Variants in SEC16A observed in about 807,000 individuals in gnomAD.
SEC16A encodes the protein protein transport protein Sec16A.
SEC16A carries 110 observed loss-of-function variants against 221.9 expected under a neutral mutation model. The observed-to-expected ratio is 0.50, with a 90% CI of 0.42 to 0.58. The LOEUF (loss-of-function observed/expected upper bound fraction) is 0.58. SEC16A is among the 20% of genes least tolerant of loss of function. The pLI is 0.00. For missense variants in SEC16A, 3,165 were observed against 3,097.8 expected (o/e 1.02, Z -0.52); for synonymous variants, 1,393 against 1,257.7 (o/e 1.11, Z -2.28).
rs767547173 is a variant in SEC16A, at chr9:136,472,030, C to G, written c.3649G>C (p.Glu1217Gln). 4 of 1,612,444 alleles carry G rather than the reference C, an allele frequency of 2.5e-6. No individual in the cohort carries two copies. The highest frequency in any genetic ancestry group is 3.4e-6 in the Non-Finnish European group (4 of 1,179,870). The change falls in exon 4 of 32, where the codon GAG becomes CAG. Residue 1217 changes from glutamate to glutamine, a missense_variant. Transcript: ENST00000684901. ...SAYAQNYRYP[E>Q]PERPSSRASH... The stretch of plus-strand genomic sequence containing the variant: ...GCTCGGGAGCTGGGCCGCTCGGGCT[C>G]GGGATAGCGGTAGTTCTGGGCGTAA...
At chr9:136,479,564 G>A (rs1417815088) in intron 1 of SEC16A, among the ~76,000 whole-genome samples, 1 of 152,100 alleles carries the variant, frequency 6.6e-6, no homozygotes, top group Non-Finnish European at 1.5e-5. Context: ...ATGTTAGCCA[G>A]GATGGTCTTG....
rs768876520 is a variant in SEC16A at position 136,477,518 on chromosome 9, C to A, written c.98G>T (p.Arg33Ile). 5 of 1,613,870 alleles carry A rather than the reference C, an allele frequency of 3.1e-6. No individual in the cohort carries two copies. Among genetic ancestry groups the A allele is most frequent in the Middle Eastern group, 1.6e-4 (1 of 6,062 alleles). The change falls in exon 3 of 32, where the codon AGA (arginine) becomes ATA (isoleucine). Residue 33 changes from arginine (R) to isoleucine (I), a missense_variant. Physicochemically the swap from Arg to Ile is moderately conservative, Grantham distance 97. This residue lies in a region of SEC16A where 2,030 missense variants were observed against 1,923.1 expected (regional missense o/e 1.06). Transcript: ENST00000684901. ...CACTGCTGCATTATTATTAGCCCGT[C>A]TCCTGTAAGGGCTGCTAGCCCAGAA... ...SVFWASSPYRRRANNNAAVAP... is the reference protein window; with the variant it reads ...SVFWASSPYRIRANNNAAVAP...
rs758756339 is a variant in SEC16A, at chr9:136,447,582, GTAC to G, written c.6543_6545del (p.Met2181_Tyr2182delinsIle). ...GGCCACCCTTACCTGCTCTTCTAGAGTACATGTTCACGGGGGCTCCAGGAGGCC... is the reference window on the plus strand; with the variant it reads ...GGCCACCCTTACCTGCTCTTCTAGAGATGTTCACGGGGGCTCCAGGAGGCC... On this transcript the variant is annotated inframe_deletion, in exon 26 of 32. Transcript: ENST00000684901. This position sits in a 1 kb window ranked among gnomAD's most constrained non-coding sequence, Gnocchi z 5.5. 6.2e-7 allele frequency: 1 copy of G among 1,612,842 alleles called. No homozygotes were observed. Among genetic ancestry groups the G allele is most frequent in the Non-Finnish European group, 8.5e-7 (1 of 1,178,836 alleles).
rs1338046982 is a variant in SEC16A at position 136,476,121 on chromosome 9, T to C, written c.1495A>G (p.Arg499Gly). ...YGPLPGPAVPRHGAVCHTGAP... is the reference protein window; with the variant it reads ...YGPLPGPAVPGHGAVCHTGAP... ...CCGGTGTGGCACACAGCACCATGCC[T>C]GGGCACAGCTGGCCCAGGAAGGGGC... The change falls in exon 3 of 32, where the codon AGG becomes GGG. Residue 499 changes from arginine (R) to glycine (G), a missense_variant. Coordinates refer to ENST00000684901, the MANE Select transcript of SEC16A (RefSeq NM_014866.2). 6.2e-7 allele frequency: 1 copy of C among 1,613,692 alleles called. No homozygotes were observed. Among genetic ancestry groups the C allele is most frequent in the Admixed American group, 1.7e-5 (1 of 60,020 alleles).
chr9:136,474,809 T>C lies in SEC16A; in HGVS notation c.2807A>G (p.Asn936Ser). 6.2e-7 allele frequency: 1 copy of C among 1,613,958 alleles called. No homozygotes were observed. Among genetic ancestry groups the C allele is most frequent in the Non-Finnish European group, 8.5e-7 (1 of 1,179,886 alleles). ...ATCCTTTTGACTTTCTGGAACCAAG[T>C]TCTCTGGAACTGGCTGGGATGGTGG... The part of the protein sequence containing the change: ...VQPPSQPVPE[N>S]LVPESQKDRK... The change falls in exon 3 of 32, where the codon AAC becomes AGC. Residue 936 changes from asparagine (N) to serine (S), a missense_variant. Physicochemically the swap from Asn to Ser is conservative, Grantham distance 46 (BLOSUM62 1). This residue lies in a region of SEC16A where 2,030 missense variants were observed against 1,923.1 expected (regional missense o/e 1.06). Transcript: ENST00000684901.
rs1841495499 is a variant in SEC16A, at chr9:136,475,456, GCT to G, written c.2158_2159del (p.Ser720ProfsTer10). On this transcript the variant is annotated frameshift_variant, in exon 3 of 32. Transcript: ENST00000684901. LOFTEE classifies it high-confidence loss of function. This position sits in a 1 kb window ranked among gnomAD's most constrained non-coding sequence, Gnocchi z 5.0. ...ARTQGPVKCE[S>X]PATTLWAQSE... ...TTTGCGCCCACAGAGTCGTTGCTGG[GCT>G]CTCACACTTCACGGGCCCCTGGGTC... 6.2e-7 allele frequency: 1 copy of G among 1,609,358 alleles called. No homozygotes were observed. Among genetic ancestry groups the G allele is most frequent in the Admixed American group, 1.7e-5 (1 of 59,518 alleles).
chr9:136,462,968 A>T lies in SEC16A; in HGVS notation c.4812T>A (p.Thr1604=). Residue 1604 remains threonine (T), a synonymous_variant, in exon 12 of 32, where the codon ACT becomes ACA. Coordinates refer to ENST00000684901, the MANE Select transcript of SEC16A (RefSeq NM_014866.2). ...ESGEAQLSFL[T]GGPAAAASSL... is the part of the protein sequence containing the mutation. ...AGCTGGCGGCAGCCGCCGGACCACCAGTGAGGAAAGAGAGCTGGGCCTCAC... is the reference window on the plus strand; with the variant it reads ...AGCTGGCGGCAGCCGCCGGACCACCTGTGAGGAAAGAGAGCTGGGCCTCAC... 3.7e-6 allele frequency: 6 copies of T among 1,608,750 alleles called. No homozygotes were observed. The highest frequency in any genetic ancestry group is 5.1e-6 in the Non-Finnish European group (6 of 1,179,860).
chr9:136,484,455 G>T, upstream of SEC16A: 1 of 1,205,542 alleles, frequency 8.3e-7, no homozygotes. Flanking sequence ...AGCCATGCCG[G>T]GCCCACTCAC....
chr9:136,463,566 G>A lies in SEC16A; in HGVS notation c.4544C>T (p.Ala1515Val). ...CAAACATTTCATAGCTTTGTTCTGT[G>A]CAAAATTAATGACATCCACCTTATG... ...DTHKVDVINF[A>V]QNKAMKCLQN... is the part of the protein sequence containing the mutation. The change falls in exon 11 of 32, where the codon GCA (alanine) becomes GTA (valine). Residue 1515 changes from alanine to valine, a missense_variant. Ala to Val is a moderately conservative substitution (Grantham distance 64, BLOSUM62 0). Transcript: ENST00000684901. 1 of 1,613,880 alleles carries A rather than the reference G, an allele frequency of 6.2e-7. No homozygotes were observed. Among genetic ancestry groups the A allele is most frequent in the African/African-American group, 1.3e-5 (1 of 75,066 alleles).
rs763211212 is a variant in SEC16A at position 136,463,597 on chromosome 9, C to T, written c.4513G>A (p.Asp1505Asn). ...TTAATGACATCCACCTTATGGGTGT[C>T]GTCTCTGCAGAAAGAACACACAGTG... ...RAFPGPLAKDDTHKVDVINFA... is the reference protein window; with the variant it reads ...RAFPGPLAKDNTHKVDVINFA... Residue 1505 changes from aspartate to asparagine, a missense_variant, in exon 11 of 32, where the codon GAC becomes AAC. Asp to Asn is a conservative substitution (Grantham distance 23). Around this residue, in one of 3 missense-constraint regions of SEC16A, gnomAD observed 47 missense variants for 85.0 expected, o/e 0.55. Transcript: ENST00000684901. 7 of 1,613,816 alleles carry T rather than the reference C, an allele frequency of 4.3e-6. No homozygotes were observed. The highest frequency in any genetic ancestry group is 1.7e-5 in the Admixed American group (1 of 60,032).
chr9:136,483,125 G>A (rs1842629651), upstream of SEC16A: 1 of 597,276 alleles, frequency 1.7e-6, no homozygotes, highest in Non-Finnish European at 2.1e-6. Flanking sequence ...CCGCCCCTCG[G>A]CTCGTCGGCC....
chr9:136,453,069 CAAAAAAAAAA>C (rs372314249), intron 22 of SEC16A, among the ~76,000 whole-genome samples: 2 of 64,842 alleles, frequency 3.1e-5, no homozygotes, highest in Non-Finnish European at 6.2e-5. Context: ...GAATCTGTCT[CAAAAAAAAAA>C]AAAAGAAAAA....
chr9:136,484,213 G>T, upstream of SEC16A: 1 of 336,356 alleles, frequency 3.0e-6, no homozygotes, highest in Non-Finnish European at 4.4e-6. Context: ...AGGGGCGCTG[G>T]GGTCCCAGCC....
In SEC16A at chr9:136,454,259, G is replaced by A. The variant is rs2132094191; in HGVS notation, c.5926C>T (p.Pro1976Ser). The A allele has an allele frequency of 6.3e-7, 1 of 1,581,610 alleles. No individual in the cohort carries two copies. The highest frequency in any genetic ancestry group is 2.3e-5 in the East Asian group (1 of 43,470). ...ARVPMFPVPL[P>S]PGPLEPGPGC... ...GGACCCGGCTCCAGGGGCCCCGGGGGCAGTGGCACTGGGAACATCGGCACT... is the reference window on the plus strand; with the variant it reads ...GGACCCGGCTCCAGGGGCCCCGGGGACAGTGGCACTGGGAACATCGGCACT... The change falls in exon 21 of 32, where the codon CCC (proline) becomes TCC (serine). Residue 1976 changes from proline (P) to serine (S), a missense_variant. This residue lies in a region of SEC16A where 1,088 missense variants were observed against 1,089.6 expected (regional missense o/e 1.00). Coordinates refer to ENST00000684901, the MANE Select transcript of SEC16A (RefSeq NM_014866.2).
intron 31 of SEC16A, among the ~76,000 whole-genome samples, chr9:136,443,496 G>A (rs1836495276): frequency 1.3e-5 from 2 of 152,196 alleles, no homozygotes; most frequent in African/African-American, 4.8e-5. Context: ...ACCAGCCTAG[G>A]CAACAAGGTG....
intron 12 of SEC16A, 137 bp downstream of exon 12, chr9:136,462,750 G>A: frequency 1.1e-6 from 1 of 947,194 alleles, no homozygotes. Flanking sequence ...TCAGGAAACA[G>A]CAAGACCCGA....
In SEC16A at chr9:136,475,709, C is replaced by T; in HGVS notation, c.1907G>A (p.Arg636Lys). Residue 636 changes from arginine to lysine, a missense_variant, in exon 3 of 32, where the codon AGG becomes AAG. This residue lies in a region of SEC16A where 2,030 missense variants were observed against 1,923.1 expected (regional missense o/e 1.06). Transcript: ENST00000684901. The surrounding 1 kb of genome is among the most constrained non-coding windows in gnomAD (Gnocchi z 5.0). Reference sequence around the variant, plus strand: ...CTGCTTCTGGCGGACACAGGTCTCCCTTACTTCACCAACCACGTTGGCGCG... The same window carrying T: ...CTGCTTCTGGCGGACACAGGTCTCCTTTACTTCACCAACCACGTTGGCGCG... Reference protein sequence around the residue: ...ADRANVVGEVRETCVRQKQCR... With the variant: ...ADRANVVGEVKETCVRQKQCR... The T allele has an allele frequency of 6.2e-7, 1 of 1,613,272 alleles. No individual in the cohort carries two copies. The highest frequency in any genetic ancestry group is 8.5e-7 in the Non-Finnish European group (1 of 1,179,626).
chr9:136,466,003 T>C lies in SEC16A; in HGVS notation c.4262A>G (p.Tyr1421Cys), dbSNP rs1840097631. Residue 1421 changes from tyrosine (Y) to cysteine (C), a missense_variant, in exon 8 of 32, where the codon TAT becomes TGT. Physicochemically the swap from Tyr to Cys is radical, Grantham distance 194. Transcript: ENST00000684901. The surrounding 1 kb of genome is among the most constrained non-coding windows in gnomAD (Gnocchi z 5.5). ...NFSSGPGFPE[Y>C]GYPADTVWPA... ...CCAGACGGTGTCGGCAGGGTAGCCA[T>C]ACTCTGGGAAGCCGGGGCCACTGCT... 15 of 1,613,568 alleles carry C rather than the reference T, an allele frequency of 9.3e-6. No homozygotes were observed. Among genetic ancestry groups the C allele is most frequent in the Non-Finnish European group, 1.2e-5 (14 of 1,179,874 alleles).
chr9:136,442,520 C>A (rs966663236), intron 31 of SEC16A, among the ~76,000 whole-genome samples: 1 of 152,218 alleles, frequency 6.6e-6, no homozygotes, highest in Non-Finnish European at 1.5e-5. Flanking sequence ...AGACCTTGGA[C>A]CCCGCTCAGC....
Sources: allele counts gnomAD v4.1 joint callset (sites outside exome capture counted in the v4.1 genomes callset), GRCh38; gene constraint gnomAD v4.1.1; regional missense constraint gnomAD v4.1.1; non-coding constraint Gnocchi (gnomAD v3.1); transcripts MANE v1.5; gene names NCBI Gene and HGNC (gene_info 2026-07-23, HGNC 2026-07-21).